The following ACACB variants were observed in gnomAD, a reference collection of about 807,000 sequenced individuals.
ACACB encodes acetyl-CoA carboxylase beta.
A neutral mutation model predicts 278.8 loss-of-function variants in ACACB; 209 were observed. The observed-to-expected ratio is 0.75, with a 90% CI of 0.67 to 0.84. ACACB has a LOEUF of 0.84. ACACB is among the 40% of genes least tolerant of loss of function. The pLI is 0.00. For synonymous variants in ACACB, 1,174 were observed against 1,285.6 expected, an observed-to-expected ratio of 0.91 and a Z score of 1.86; for missense variants, 2,850 against 3,269.0, an observed-to-expected ratio of 0.87 and a Z score of 3.13.
At position 109,199,567 on chromosome 12, in the gene ACACB, G is replaced by A. The variant is rs73191140; in HGVS notation, c.2778+15G>A. On this transcript the variant is annotated intron_variant, in intron 18 of 52. Coordinates refer to ENST00000338432, the MANE Select transcript of ACACB (RefSeq NM_001093.4). ...CTGAGATGGAGGTGACTGCAGAGCC[G>A]GCCGTGGGGAATCCTGAACCCTCAA... 82 of 1,424,856 alleles carry A rather than the reference G, an allele frequency of 5.8e-5. No individual in the cohort carries two copies. Among genetic ancestry groups the A allele is most frequent in the Non-Finnish European group, 6.9e-5 (75 of 1,079,416 alleles). The allele number at this position is 1,424,856 out of a possible 1,614,324, so 88.3% of individuals were successfully genotyped here. A position where few individuals can be genotyped will look rare whatever the true frequency, so the allele number is the denominator to read the frequency against.
At chr12:109,266,131 A>C (rs1266067133) in intron 52 of ACACB, 105 bp from the exon 53 acceptor site, 1 of 1,398,308 alleles carries the variant, frequency 7.2e-7, no homozygotes, top group East Asian at 2.5e-5. Flanking sequence ...GGGACTCGGG[A>C]GCTCTGGGTT....
chr12:109,208,703 T>A (rs1243658062), intron 20 of ACACB, among the ~76,000 whole-genome samples: 1 of 152,154 alleles, frequency 6.6e-6, no homozygotes, highest in Non-Finnish European at 1.5e-5. Context: ...TGGGTTTGCT[T>A]CTTACTAGCT....
intron 49 of ACACB, 123 bp downstream of exon 49, chr12:109,262,592 G>C (rs896179816): frequency 1.7e-6 from 1 of 604,734 alleles, no homozygotes; most frequent in African/African-American, 1.9e-5. Flanking sequence ...TATAATAACT[G>C]TGAGATTTTT....
intron 44 of ACACB, 115 bp downstream of exon 44, chr12:109,254,449 A>C: frequency 9.5e-7 from 1 of 1,054,486 alleles, no homozygotes; most frequent in South Asian, 1.7e-5. Context: ...TCGTTCTCAT[A>C]TCCCAGAGAG....
chr12:109,244,452 G>A (rs1008780974), intron 37 of ACACB, among the ~76,000 whole-genome samples: 10 of 152,104 alleles, frequency 6.6e-5, no homozygotes, highest in African/African-American at 1.9e-4. Context: ...TTCAGTGGGC[G>A]CTTAATAAGT....
intron 33 of ACACB, chr12:109,236,164 A>G (rs1382260489): frequency 6.4e-6 from 1 of 155,914 alleles, no homozygotes; most frequent in East Asian, 1.9e-4. Context: ...CATGAAGAAT[A>G]TAGTCTGCAG....
chr12:109,265,208 CG>C lies in ACACB; in HGVS notation c.7045del (p.Glu2349SerfsTer2). The C allele has an allele frequency of 6.2e-7, 1 of 1,613,624 alleles. No individual in the cohort carries two copies. Reference protein sequence around the residue: ...QVKQEILQASGELSHVHIQSM... With the variant: ...QVKQEILQASXELSHVHIQSM... ...TCAAGCAGGAGATCCTGCAGGCCAG[CG>C]GGGAGCTGAGTCACGTGCATATCCA... On this transcript the variant is annotated frameshift_variant, in exon 51 of 53. Coordinates refer to ENST00000338432, the MANE Select transcript of ACACB (RefSeq NM_001093.4). LOFTEE classifies it high-confidence loss of function.
chr12:109,265,138 C>T lies in ACACB; in HGVS notation c.6971C>T (p.Thr2324Ile). The change falls in exon 51 of 53, where the codon ACC (threonine) becomes ATC (isoleucine). Residue 2324 changes from threonine (T) to isoleucine (I), a missense_variant. Transcript: ENST00000338432. ...SDILEWKTARTFLYWRLRRLL... is the reference protein window; with the variant it reads ...SDILEWKTARIFLYWRLRRLL... ...ATCCTGGAGTGGAAGACCGCACGCA[C>T]CTTCCTGTATTGGCGTCTGCGCCGC... 4 of 1,613,018 alleles carry T rather than the reference C, an allele frequency of 2.5e-6. No individual in the cohort carries two copies. The highest frequency in any genetic ancestry group is 3.4e-6 in the Non-Finnish European group (4 of 1,179,502).
Position 109,210,337 on chromosome 12 carries a change from ACACG to A in ACACB, c.3249+988_3249+991del, listed in dbSNP as rs1262382946. 1.9e-4 allele frequency among the ~76,000 whole-genome samples: 16 copies of A among 82,896 alleles called. 1 individual carries two copies. Among genetic ancestry groups the A allele is most frequent in the African/African-American group, 6.6e-4 (14 of 21,360 alleles). 54.4% of individuals were successfully genotyped at this position (82,896 alleles called of 152,430 possible). On this transcript the variant is annotated intron_variant, in intron 21 of 52. Coordinates refer to ENST00000338432, the MANE Select transcript of ACACB (RefSeq NM_001093.4). Reference sequence around the variant, plus strand: ...CACATATCTGTGTATATATGTATATACACGCACACACATATCTGTGTATATATGT... The same window carrying A: ...CACATATCTGTGTATATATGTATATACACACACATATCTGTGTATATATGT...
intron 2 of ACACB, among the ~76,000 whole-genome samples, chr12:109,156,427 C>T (rs2043538117): frequency 6.6e-6 from 1 of 151,196 alleles, no homozygotes; most frequent in South Asian, 2.1e-4. Flanking sequence ...ACTGGAAAGA[C>T]TAAGGGAAGA....
At chr12:109,192,928 G>A (rs2044946489) in intron 15 of ACACB, among the ~76,000 whole-genome samples, 1 of 152,210 alleles carries the variant, frequency 6.6e-6, no homozygotes, top group African/African-American at 2.4e-5. Context: ...AACTCTGAAA[G>A]TGCTGAGATT....
intron 3 of ACACB, among the ~76,000 whole-genome samples, chr12:109,167,605 A>G (rs1022367959): frequency 2.4e-5 from 3 of 127,650 alleles, no homozygotes; most frequent in African/African-American, 9.5e-5. Context: ...TCTCAAAAAA[A>G]AAAATATATG....
chr12:109,265,664 TC>T, intron 52 of ACACB, 139 bp downstream of exon 52: 1 of 1,091,404 alleles, frequency 9.2e-7, no homozygotes, highest in Non-Finnish European at 1.3e-6. Context: ...CCCTCCCCGC[TC>T]CCCAGCAAAG....
At chr12:109,207,640 G>A (rs1490142914) in intron 20 of ACACB, among the ~76,000 whole-genome samples, 5 of 152,190 alleles carry the variant, frequency 3.3e-5, no homozygotes, top group East Asian at 3.9e-4. Context: ...TGGTGATGAC[G>A]ATAATAACCG....
intron 7 of ACACB, among the ~76,000 whole-genome samples, chr12:109,174,626 G>T (rs973822991): frequency 6.6e-6 from 1 of 151,820 alleles, no homozygotes; most frequent in South Asian, 2.1e-4. Flanking sequence ...GCTTTCAGAG[G>T]CTGAGGGAGG....
intron 2 of ACACB, among the ~76,000 whole-genome samples, chr12:109,161,749 GTGGT>G (rs2043731607): frequency 6.6e-6 from 1 of 151,266 alleles, no homozygotes; most frequent in African/African-American, 2.4e-5. Flanking sequence ...ATGTGTGTGT[GTGGT>G]GTGTGTGTGT....
intron 35 of ACACB, among the ~76,000 whole-genome samples, chr12:109,240,296 C>T (rs897533563): frequency 2.0e-5 from 3 of 152,070 alleles, no homozygotes; most frequent in Admixed American, 1.3e-4. Context: ...TGGGGAGAGA[C>T]GTGAGACCGT....
intron 19 of ACACB, among the ~76,000 whole-genome samples, chr12:109,206,414 C>T (rs936545961): frequency 2.7e-5 from 3 of 111,606 alleles, no homozygotes; most frequent in African/African-American, 1.1e-4. Context: ...AGCCTGGGGA[C>T]AATGCGAGTG....
At position 109,185,689 on chromosome 12, in the gene ACACB, C is replaced by T. The variant is rs1304354296; in HGVS notation, c.1929C>T (p.Leu643=). ...ISFETPSNPP[L]ARGHVIAARI... ...TTGAAACCCCCTCAAACCCTCCCCT[C>T]GCCCGAGGCCACGTCATTGCCGCCA... is the stretch of plus-strand genomic sequence containing the variant. The change falls in exon 12 of 53, where the codon CTC becomes CTT. Residue 643 remains leucine, a synonymous_variant. Transcript: ENST00000338432. 18 of 1,613,442 alleles carry T rather than the reference C, an allele frequency of 1.1e-5. No individual in the cohort carries two copies. The highest frequency in any genetic ancestry group is 3.3e-4 in the Middle Eastern group (2 of 6,084).
Sources: allele counts gnomAD v4.1 joint callset (sites outside exome capture counted in the v4.1 genomes callset), GRCh38; gene constraint gnomAD v4.1.1; transcripts MANE v1.5; gene names NCBI Gene and HGNC (gene_info 2026-07-23, HGNC 2026-07-21).